GRAMD1B: variants seen among roughly 807,000 people sequenced by gnomAD.
The protein encoded by GRAMD1B is protein Aster-B.
GRAMD1B carries 37 observed loss-of-function variants against 99.7 expected under a neutral mutation model. The ratio of observed to expected loss-of-function variants is 0.37; its 90% CI spans 0.29 to 0.49. The LOEUF (loss-of-function observed/expected upper bound fraction) is 0.49. GRAMD1B is among the 20% of genes least tolerant of loss of function. The pLI is 0.98. For missense variants in GRAMD1B, 888 were observed against 1,009.2 expected (o/e 0.88, Z 1.63); for synonymous variants, 427 against 387.6 (o/e 1.10, Z -1.19).
At chr11:123,605,115 G>A (rs976817370) in intron 9 of GRAMD1B, among the ~76,000 whole-genome samples, 7 of 150,704 alleles carry the variant, frequency 4.6e-5, no homozygotes, top group Non-Finnish European at 7.4e-5. Context: ...TACATGGGGG[G>A]CAGGGAGGGG....
intron 1 of GRAMD1B, among the ~76,000 whole-genome samples, chr11:123,468,798 A>AG (rs1950839548): frequency 6.7e-6 from 1 of 149,672 alleles, no homozygotes; most frequent in African/African-American, 2.4e-5. Flanking sequence ...CCTGTATCAA[A>AG]AAAAAAAAAA....
intron 1 of GRAMD1B, among the ~76,000 whole-genome samples, chr11:123,438,797 C>G (rs1352086223): frequency 6.6e-6 from 1 of 152,158 alleles, no homozygotes; most frequent in African/African-American, 2.4e-5. Context: ...CCTCCAATTG[C>G]TATGCTGGTC....
intron 2 of GRAMD1B, among the ~76,000 whole-genome samples, chr11:123,553,619 A>G (rs1398918438): frequency 1.3e-5 from 2 of 152,208 alleles, no homozygotes; most frequent in Non-Finnish European, 2.9e-5. Flanking sequence ...AGAGAGATGC[A>G]GGATTAATGA....
chr11:123,582,933 C>T (rs1252605597), intron 3 of GRAMD1B, among the ~76,000 whole-genome samples: 1 of 152,176 alleles, frequency 6.6e-6, no homozygotes, highest in Non-Finnish European at 1.5e-5. Context: ...CCCCACCCAG[C>T]GATCCCTAAA....
At chr11:123,563,306 G>A (rs1592020112) in intron 2 of GRAMD1B, among the ~76,000 whole-genome samples, 1 of 152,194 alleles carries the variant, frequency 6.6e-6, no homozygotes, top group Non-Finnish European at 1.5e-5. Flanking sequence ...TGGCCCTTGA[G>A]AGGTAAAGAT....
chr11:123,463,008 A>G (rs563757006), intron 1 of GRAMD1B, among the ~76,000 whole-genome samples: 17 of 149,252 alleles, frequency 1.1e-4, no homozygotes, highest in Non-Finnish European at 2.4e-4. Context: ...TTATTTATTT[A>G]TATTTATTTA....
At chr11:123,455,172 G>C (rs977384592) in intron 1 of GRAMD1B, among the ~76,000 whole-genome samples, 4 of 152,194 alleles carry the variant, frequency 2.6e-5, no homozygotes, top group Non-Finnish European at 2.9e-5. Flanking sequence ...AACATATAGA[G>C]ATGAGAGGGA....
At chr11:123,433,099 A>T (rs373765863) in intron 1 of GRAMD1B, among the ~76,000 whole-genome samples, 65 of 152,256 alleles carry the variant, frequency 4.3e-4, no homozygotes, top group African/African-American at 1.5e-3. Context: ...AATGCCTGTA[A>T]TCCCAGCACT....
chr11:123,548,755 G>A (rs1356207430), intron 2 of GRAMD1B, among the ~76,000 whole-genome samples: 1 of 152,102 alleles, frequency 6.6e-6, no homozygotes, highest in Non-Finnish European at 1.5e-5. Flanking sequence ...CCTCAAACAT[G>A]TGTCACCACA....
intron 2 of GRAMD1B, among the ~76,000 whole-genome samples, chr11:123,484,884 T>G (rs1420689633): frequency 6.6e-6 from 1 of 152,194 alleles, no homozygotes; most frequent in East Asian, 1.9e-4. Context: ...TCCAGGTGTT[T>G]AGGACGTTGA....
intron 2 of GRAMD1B, among the ~76,000 whole-genome samples, chr11:123,504,883 T>C (rs1212800264): frequency 2.0e-5 from 3 of 152,136 alleles, no homozygotes; most frequent in Admixed American, 6.6e-5. Context: ...GGTTTCACCA[T>C]GTTGGCCAGG....
intron 2 of GRAMD1B, among the ~76,000 whole-genome samples, chr11:123,543,392 A>G (rs1944741425): frequency 6.6e-6 from 1 of 152,218 alleles, no homozygotes; most frequent in Non-Finnish European, 1.5e-5. Flanking sequence ...CTCTGTGGCC[A>G]GGGAAGTTGG....
intron 7 of GRAMD1B, chr11:123,598,542 T>G (rs1951568103): frequency 1.3e-6 from 2 of 1,539,882 alleles, no homozygotes; most frequent in Non-Finnish European, 1.8e-6. Context: ...TGACTTGGGA[T>G]TTTTGGCAAA....
intron 2 of GRAMD1B, among the ~76,000 whole-genome samples, chr11:123,489,358 A>G (rs1411642851): frequency 2.6e-5 from 4 of 152,150 alleles, no homozygotes; most frequent in African/African-American, 9.7e-5. Flanking sequence ...AGGGGACAAG[A>G]CTGAGAGTGC....
chr11:123,500,144 A>C (rs917932618), intron 2 of GRAMD1B, among the ~76,000 whole-genome samples: 1 of 152,116 alleles, frequency 6.6e-6, no homozygotes, highest in African/African-American at 2.4e-5. Context: ...AACGTGGTGA[A>C]ACCCCGTCTC....
Position 123,594,790 on chromosome 11 carries a change from T to C in GRAMD1B, c.825T>C (p.Ser275=). ...TCCTTCAGGGCCGACTCTACCTCTC[T>C]GAAAATTGGATCTGCTTCTACAGCA... ...DILLQGRLYL[S]ENWICFYSNI... is the part of the protein sequence containing the mutation. The change falls in exon 6 of 20, where the codon TCT becomes TCC. Residue 275 remains serine, a synonymous_variant. Coordinates refer to ENST00000635736, the MANE Select transcript of GRAMD1B (RefSeq NM_001387025.1). The C allele has an allele frequency of 6.2e-7, 1 of 1,608,728 alleles. No individual in the cohort carries two copies. Among genetic ancestry groups the C allele is most frequent in the Non-Finnish European group, 8.5e-7 (1 of 1,175,096 alleles).
At position 123,608,701 on chromosome 11, in the gene GRAMD1B, A is replaced by G; in HGVS notation, c.1556A>G (p.Tyr519Cys). ...AFYEDLSGRQ[Y>C]VNEVFNFSVD... ...TATGAGGACCTGAGTGGCCGGCAGT[A>G]CGTGAATGAAGTCTTCAACTTCAGC... is the stretch of plus-strand genomic sequence containing the variant. The change falls in exon 12 of 20, where the codon TAC becomes TGC. Residue 519 changes from tyrosine to cysteine, a missense_variant. Around this residue, in one of 5 missense-constraint regions of GRAMD1B, gnomAD observed 269 missense variants for 296.6 expected, o/e 0.91. Coordinates refer to ENST00000635736, the MANE Select transcript of GRAMD1B (RefSeq NM_001387025.1). The G allele has an allele frequency of 6.4e-7, 1 of 1,565,158 alleles. No homozygotes were observed. The highest frequency in any genetic ancestry group is 8.7e-7 in the Non-Finnish European group (1 of 1,153,712).
chr11:123,526,458 C>T (rs1044803719), intron 2 of GRAMD1B, among the ~76,000 whole-genome samples: 10 of 152,282 alleles, frequency 6.6e-5, no homozygotes, highest in East Asian at 1.9e-4. Context: ...ACTTCGAGTA[C>T]GTGAGGAGTG....
intron 7 of GRAMD1B, chr11:123,598,580 C>T: frequency 7.7e-6 from 12 of 1,553,430 alleles, no homozygotes; most frequent in Non-Finnish European, 1.1e-5. Context: ...ACTCTAGGGA[C>T]TTTCCTTTGG....
Sources: gnomAD v4.1 joint callset for allele counts (sites outside exome capture counted in the v4.1 genomes callset) on GRCh38, gnomAD v4.1.1 for gene constraint, gnomAD v4.1.1 regional missense constraint, MANE v1.5 for transcripts, NCBI Gene and HGNC (gene_info 2026-07-23, HGNC 2026-07-21) for gene names.